The following ITGAE variants were observed in gnomAD, a reference collection of about 807,000 sequenced individuals.
ITGAE encodes integrin subunit alpha E, also known as integrin alpha-E.
Under a neutral mutation model 136.5 loss-of-function variants are expected in ITGAE, and 99 were observed. That is an observed-to-expected ratio of 0.73 (90% CI 0.62 to 0.86). The LOEUF is 0.86. Among genes scored for constraint, ITGAE ranks in the 40% least tolerant of loss-of-function variants. The probability of loss-of-function intolerance (pLI) is 0.00; values close to 1 mark genes in which losing one functional copy is unlikely to be tolerated. For synonymous variants in ITGAE, 613 were observed against 591.8 expected (o/e 1.04, Z -0.52); for missense variants, 1,447 against 1,515.3 (o/e 0.95, Z 0.75).
chr17:3,741,378 C>T (rs900710029), intron 19 of ITGAE, among the ~76,000 whole-genome samples: 14 of 151,916 alleles, frequency 9.2e-5, no homozygotes, highest in Non-Finnish European at 1.8e-4. Flanking sequence ...TGAGCCCCCG[C>T]GCCCGGCCTT....
intron 15 of ITGAE, 81 bp downstream of exon 15, chr17:3,751,569 A>G: frequency 7.5e-7 from 1 of 1,338,546 alleles, no homozygotes; most frequent in Non-Finnish European, 1.1e-6. Flanking sequence ...TTAGGACTGA[A>G]GCCGACTTGG....
At chr17:3,716,652 G>T in intron 30 of ITGAE, 36 bp downstream of exon 30, 1 of 1,247,822 alleles carries the variant, frequency 8.0e-7, no homozygotes. Context: ...CTAGAGCCCA[G>T]TCTTCCCTCA....
Position 3,733,991 on chromosome 17 carries a change from C to T in ITGAE, c.2655+826G>A, listed in dbSNP as rs553885825. On this transcript the variant is annotated intron_variant, in intron 21 of 30. Transcript: ENST00000263087. ...GGTGGAAACAGACTCTTCTCTTGGT[C>T]AAAATGACTTACACTCTCCAGGCAA... is the stretch of plus-strand genomic sequence containing the variant. Among the ~76,000 whole-genome samples the T allele has an allele frequency of 8.5e-5, 13 of 152,330 alleles. No homozygotes were observed. In the South Asian group the frequency reaches 2.7e-3, roughly 32 times the overall value.
At chr17:3,797,780 A>T (rs949641249) in intron 1 of ITGAE, among the ~76,000 whole-genome samples, 1 of 152,116 alleles carries the variant, frequency 6.6e-6, no homozygotes. Flanking sequence ...AACGTTTCTC[A>T]TGAGTGTGTC....
chr17:3,760,861 G>T, intron 6 of ITGAE, 152 bp downstream of exon 6: 1 of 1,190,166 alleles, frequency 8.4e-7, no homozygotes, highest in Non-Finnish European at 1.1e-6. Flanking sequence ...CCACTTATAA[G>T]AAAGAGTGGG....
chr17:3,737,385 G>T lies in ITGAE; in HGVS notation c.2522+2420C>A, dbSNP rs1009376535. 9.2e-5 allele frequency among the ~76,000 whole-genome samples: 14 copies of T among 151,668 alleles called. No individual in the cohort carries two copies. The East Asian group carries it at 1.3e-3, about 15-fold the overall frequency. ...AATGAAACGAAAAAGAGGCAGGGGA[G>T]GGGGGACAGAGGAGTTAAGGGCAAG... On this transcript the variant is annotated intron_variant, in intron 20 of 30. Coordinates refer to ENST00000263087, the MANE Select transcript of ITGAE (RefSeq NM_002208.5).
chr17:3,764,420 G>A (rs2143145982), intron 2 of ITGAE, among the ~76,000 whole-genome samples: 1 of 152,334 alleles, frequency 6.6e-6, no homozygotes, highest in Non-Finnish European at 1.5e-5. Context: ...TTGGAGGCCG[G>A]GCGCGGCGGC....
At chr17:3,773,244 C>T (rs1170799612) in intron 2 of ITGAE, among the ~76,000 whole-genome samples, 1 of 152,162 alleles carries the variant, frequency 6.6e-6, no homozygotes, top group Non-Finnish European at 1.5e-5. Flanking sequence ...GTAATCCCAG[C>T]ACTTTGAGAG....
Position 3,755,126 on chromosome 17 carries a change from T to G in ITGAE, c.1375A>C (p.Ser459Arg), listed in dbSNP as rs1380847113. 6 of 1,162,460 alleles carry G rather than the reference T, an allele frequency of 5.2e-6. No homozygotes were observed. The highest frequency in any genetic ancestry group is 3.4e-6 in the Non-Finnish European group (3 of 879,388). 72.0% of individuals were successfully genotyped at this position (1,162,460 alleles called of 1,614,324 possible). Residue 459 changes from serine (S) to arginine (R), a missense_variant, in exon 12 of 31, where the codon AGC (serine) becomes CGC (arginine). Transcript: ENST00000263087. ...GTGGCCCCGCCCTCACCCAGGTAGC[T>G]GTACTGCGCAGCCTCCGCGTCTGCC... ...AAADAEAAQY[S>R]YLGYAVAVLH...
intron 26 of ITGAE, 172 bp from the exon 27 acceptor site, chr17:3,723,916 C>A: frequency 6.5e-7 from 1 of 1,541,708 alleles, no homozygotes; most frequent in Non-Finnish European, 8.7e-7. Context: ...TGCGTTTGAA[C>A]CTCTTGGCGG....
intron 19 of ITGAE, among the ~76,000 whole-genome samples, chr17:3,743,069 G>A (rs1322425554): frequency 6.6e-6 from 1 of 152,256 alleles, no homozygotes; most frequent in Non-Finnish European, 1.5e-5. Flanking sequence ...GGCAGGGCAT[G>A]AACAGGCAGG....
intron 19 of ITGAE, among the ~76,000 whole-genome samples, chr17:3,741,425 C>T (rs1206234713): frequency 6.6e-6 from 1 of 152,062 alleles, no homozygotes; most frequent in Non-Finnish European, 1.5e-5. Flanking sequence ...AGCCTGATCT[C>T]TTCCACCCAG....
chr17:3,795,944 CGTGTGTGCATCCCT>C (rs1567565133), intron 1 of ITGAE, among the ~76,000 whole-genome samples: 16 of 107,080 alleles, frequency 1.5e-4, no homozygotes, highest in African/African-American at 5.7e-4. Flanking sequence ...TGTGTGCATC[CGTGTGTGCATCCCT>C]GTGTGTGCGT....
intron 1 of ITGAE, among the ~76,000 whole-genome samples, chr17:3,781,410 C>T (rs752279106): frequency 4.6e-5 from 7 of 151,652 alleles, no homozygotes; most frequent in Non-Finnish European, 1.0e-4. Context: ...AGTGCAGTGG[C>T]GCTATCTCGG....
chr17:3,751,866 A>G lies in ITGAE; in HGVS notation c.1677T>C (p.Ser559=), dbSNP rs752086499. The change falls in exon 15 of 31, where the codon TCT becomes TCC. Residue 559 remains serine (S), a synonymous_variant. Transcript: ENST00000263087. Reference sequence around the variant, plus strand: ...CACTCAGTATGCGTGCCAAGGAGAAAGAACCATCCTGTAAAGCAAACAAAC... The same window carrying G: ...CACTCAGTATGCGTGCCAAGGAGAAGGAACCATCCTGTAAAGCAAACAAAC... ...YVYRLSEQDG[S]FSLARILSGH... is the part of the protein sequence containing the mutation. 8.7e-6 allele frequency: 14 copies of G among 1,613,792 alleles called. No individual in the cohort carries two copies. Among genetic ancestry groups the G allele is most frequent in the Non-Finnish European group, 1.1e-5 (13 of 1,179,744 alleles).
At chr17:3,757,240 C>A in intron 9 of ITGAE, 106 bp from the exon 10 acceptor site, 1 of 1,322,472 alleles carries the variant, frequency 7.6e-7, no homozygotes, top group South Asian at 1.4e-5. Context: ...CATTACCTGT[C>A]TCCTTCCTTC....
chr17:3,730,042 AC>A (rs1352736528), intron 23 of ITGAE, among the ~76,000 whole-genome samples: 4 of 151,710 alleles, frequency 2.6e-5, no homozygotes, highest in Middle Eastern at 3.2e-3. Context: ...GCTCTCCCCA[AC>A]CCTGCCCCTC....
chr17:3,739,488 T>C (rs1324859862), intron 20 of ITGAE, among the ~76,000 whole-genome samples: 1 of 152,152 alleles, frequency 6.6e-6, no homozygotes, highest in Non-Finnish European at 1.5e-5. Context: ...GAGGTCAGCC[T>C]GGCTGTGAAG....
rs1278653266 is a variant in ITGAE, at chr17:3,799,775, AG to A, written c.34+1335del. 6.6e-6 allele frequency among the ~76,000 whole-genome samples: 1 copy of A among 152,232 alleles called. No individual in the cohort carries two copies. The highest frequency in any genetic ancestry group is 2.4e-5 in the African/African-American group (1 of 41,468). Reference sequence around the variant, plus strand: ...AGAGAAGTCTAAATTGTAAAATAAAAGGAAGTTCAACAAACTGTTGACCTTT... The same window carrying A: ...AGAGAAGTCTAAATTGTAAAATAAAAGAAGTTCAACAAACTGTTGACCTTT... On this transcript the variant is annotated intron_variant, in intron 1 of 30. Transcript: ENST00000263087. This position sits in a 1 kb window ranked among gnomAD's most constrained non-coding sequence, Gnocchi z 4.1.
Sources: gnomAD v4.1 joint callset for allele counts (sites outside exome capture counted in the v4.1 genomes callset) on GRCh38, gnomAD v4.1.1 for gene constraint, Gnocchi (gnomAD v3.1) non-coding constraint, MANE v1.5 for transcripts, NCBI Gene and HGNC (gene_info 2026-07-23, HGNC 2026-07-21) for gene names.